Variants in ARHGEF11 observed in about 807,000 individuals in gnomAD.
ARHGEF11 encodes Rho guanine exchange factor (GEF) 11.
In ARHGEF11, 55 loss-of-function variants were observed where a neutral mutation model predicts 193.7. The observed-to-expected ratio is 0.28, with a 90% CI of 0.23 to 0.36. The LOEUF (loss-of-function observed/expected upper bound fraction) is 0.36. Ranked by LOEUF, ARHGEF11 falls within the 10% of genes least tolerant of loss-of-function variation. The probability of loss-of-function intolerance (pLI) is 1.00; values close to 1 mark genes in which losing one functional copy is unlikely to be tolerated. For synonymous variants in ARHGEF11, 693 were observed against 768.0 expected, an observed-to-expected ratio of 0.90 and a Z score of 1.62; for missense variants, 1,723 against 2,005.6, an observed-to-expected ratio of 0.86 and a Z score of 2.69.
chr1:156,962,141 G>A (rs1257035045), intron 13 of ARHGEF11, among the ~76,000 whole-genome samples: 1 of 152,132 alleles, frequency 6.6e-6, no homozygotes, highest in African/African-American at 2.4e-5. Flanking sequence ...TCTTGTGCTG[G>A]TTTACGTCTT....
intron 40 of ARHGEF11, among the ~76,000 whole-genome samples, chr1:156,936,549 T>C (rs1655375555): frequency 7.7e-6 from 1 of 130,042 alleles, no homozygotes; most frequent in Non-Finnish European, 1.6e-5. Context: ...GAACAAGTCT[T>C]AGAGGTGAGA....
intron 1 of ARHGEF11, among the ~76,000 whole-genome samples, chr1:157,005,183 G>A (rs746771513): frequency 9.2e-5 from 14 of 152,276 alleles, no homozygotes; most frequent in East Asian, 5.8e-4. Context: ...GTTACTGCCC[G>A]TTGCTTGGGC....
At chr1:156,966,912 A>G (rs192187412) in intron 11 of ARHGEF11, among the ~76,000 whole-genome samples, 48 of 152,338 alleles carry the variant, frequency 3.2e-4, no homozygotes, top group African/African-American at 1.2e-3. Flanking sequence ...AAGGACACAA[A>G]GGGGTAAAGA....
Position 156,951,598 on chromosome 1 carries a change from G to T in ARHGEF11, c.1900C>A (p.Pro634Thr). The stretch of plus-strand genomic sequence containing the variant: ...CTGTCACTCTCCAGCAGGTCCTCAG[G>T]AAAGCTTCCGGTCGAGAGTCGTTGT... The part of the protein sequence containing the change: ...GTQRLSTGSF[P>T]EDLLESDSSR... Residue 634 changes from proline (P) to threonine (T), a missense_variant, in exon 22 of 41, where the codon CCT becomes ACT. Transcript: ENST00000368194. 5.0e-6 allele frequency: 8 copies of T among 1,614,160 alleles called. No homozygotes were observed. Among genetic ancestry groups the T allele is most frequent in the Non-Finnish European group, 6.8e-6 (8 of 1,180,032 alleles).
chr1:156,948,364 C>A lies in ARHGEF11; in HGVS notation c.2060G>T (p.Arg687Leu), dbSNP rs773549450. The change falls in exon 23 of 41, where the codon CGC becomes CTC. Residue 687 changes from arginine (R) to leucine (L), a missense_variant. Coordinates refer to ENST00000368194, the MANE Select transcript of ARHGEF11 (RefSeq NM_198236.3). The surrounding 1 kb of genome is among the most constrained non-coding windows in gnomAD (Gnocchi z 4.2). ...VDMDAAAEAT[R>L]LHQSASSSTS... ...AGAGGACGAGGCTGACTGGTGCAGG[C>A]GAGTAGCCTCCGCAGCAGCATCCAT... The A allele has an allele frequency of 1.1e-5, 17 of 1,614,208 alleles. No individual in the cohort carries two copies. The South Asian group carries it at 1.6e-4, about 16-fold the overall frequency.
At chr1:156,968,453 A>G (rs1662024380) in intron 10 of ARHGEF11, among the ~76,000 whole-genome samples, 1 of 151,874 alleles carries the variant, frequency 6.6e-6, no homozygotes, top group African/African-American at 2.4e-5. Flanking sequence ...CACAGCACAC[A>G]CTCTTCATCA....
chr1:156,949,665 C>T (rs1462904642), intron 22 of ARHGEF11, among the ~76,000 whole-genome samples: 3 of 152,128 alleles, frequency 2.0e-5, no homozygotes, highest in Admixed American at 6.5e-5. Flanking sequence ...CAGACTAACT[C>T]GGAACACTTT....
chr1:157,028,203 G>C (rs1389566088), intron 1 of ARHGEF11, among the ~76,000 whole-genome samples: 2 of 152,216 alleles, frequency 1.3e-5, no homozygotes, highest in Admixed American at 6.5e-5. Context: ...AAGGCTCCAA[G>C]ATCAGGACAA....
intron 1 of ARHGEF11, among the ~76,000 whole-genome samples, chr1:157,028,359 A>C (rs1670902969): frequency 6.6e-6 from 1 of 152,208 alleles, no homozygotes; most frequent in African/African-American, 2.4e-5. Context: ...CATTATTTTT[A>C]TTTAATCTTC....
At chr1:156,990,122 T>A (rs914492695) in intron 1 of ARHGEF11, among the ~76,000 whole-genome samples, 3 of 152,226 alleles carry the variant, frequency 2.0e-5, no homozygotes, top group Non-Finnish European at 4.4e-5. Flanking sequence ...TATACTTACG[T>A]CCTGTCTCTC....
chr1:157,000,760 T>C (rs1397297350), intron 1 of ARHGEF11, among the ~76,000 whole-genome samples: 1 of 152,186 alleles, frequency 6.6e-6, no homozygotes, highest in Non-Finnish European at 1.5e-5. Context: ...ATCCCCTTCC[T>C]TGGGCAGGCT....
intron 1 of ARHGEF11, among the ~76,000 whole-genome samples, chr1:156,991,652 T>A (rs1017440859): frequency 2.6e-5 from 4 of 151,510 alleles, no homozygotes; most frequent in African/African-American, 9.7e-5. Flanking sequence ...ATTTGAGATA[T>A]ATTTATGTTT....
chr1:156,984,003 A>G (rs953505540), intron 3 of ARHGEF11, among the ~76,000 whole-genome samples: 1 of 152,236 alleles, frequency 6.6e-6, no homozygotes, highest in South Asian at 2.1e-4. Context: ...GTGGAGGTAA[A>G]TATGAAGAAA....
intron 1 of ARHGEF11, among the ~76,000 whole-genome samples, chr1:157,024,019 A>G (rs1670331150): frequency 6.6e-6 from 1 of 152,222 alleles, no homozygotes; most frequent in South Asian, 2.1e-4. Flanking sequence ...CATAATAGCC[A>G]AAAAGTAGAA....
intron 1 of ARHGEF11, among the ~76,000 whole-genome samples, chr1:156,989,922 T>C (rs1029182635): frequency 5.3e-5 from 8 of 152,172 alleles, no homozygotes; most frequent in African/African-American, 1.9e-4. Flanking sequence ...TTTACCCCTA[T>C]TTTAGCCTAT....
chr1:156,959,639 C>T (rs1371758381), intron 15 of ARHGEF11, among the ~76,000 whole-genome samples: 1 of 152,210 alleles, frequency 6.6e-6, no homozygotes, highest in African/African-American at 2.4e-5. Context: ...GTGTTTCATT[C>T]TCACTCTGCT....
intron 11 of ARHGEF11, among the ~76,000 whole-genome samples, chr1:156,964,477 T>C (rs572015337): frequency 5.4e-4 from 82 of 152,332 alleles, no homozygotes; most frequent in African/African-American, 1.8e-3. Context: ...AGCTTAAATG[T>C]GCCTATTTTA....
intron 1 of ARHGEF11, among the ~76,000 whole-genome samples, chr1:156,986,528 C>G (rs553292875): frequency 6.6e-6 from 1 of 151,794 alleles, no homozygotes; most frequent in Non-Finnish European, 1.5e-5. Flanking sequence ...TGGAACAGAA[C>G]GGAGCAGCAG....
intron 21 of ARHGEF11, among the ~76,000 whole-genome samples, chr1:156,954,042 C>T (rs536581179): frequency 6.6e-6 from 1 of 152,086 alleles, no homozygotes; most frequent in Admixed American, 6.6e-5. Flanking sequence ...AAAATAAAAT[C>T]ACCTTCAAAA....
Sources: gnomAD v4.1 joint callset for allele counts (sites outside exome capture counted in the v4.1 genomes callset) on GRCh38, gnomAD v4.1.1 for gene constraint, Gnocchi (gnomAD v3.1) non-coding constraint, MANE v1.5 for transcripts, NCBI Gene and HGNC (gene_info 2026-07-23, HGNC 2026-07-21) for gene names.